LMO7: variants seen among roughly 807,000 people sequenced by gnomAD.
LMO7 encodes LIM domain 7.
Under a neutral mutation model 206.5 loss-of-function variants are expected in LMO7, and 120 were observed. The observed-to-expected ratio is 0.58, with a 90% CI of 0.50 to 0.68. The LOEUF (loss-of-function observed/expected upper bound fraction) is 0.68. Among genes scored for constraint, LMO7 ranks in the 30% least tolerant of loss-of-function variants. LMO7 has a pLI of 0.00. For synonymous variants in LMO7, 706 were observed against 681.5 expected, an observed-to-expected ratio of 1.04 and a Z score of -0.56; for missense variants, 1,959 against 1,957.9, an observed-to-expected ratio of 1.00 and a Z score of -0.01.
In LMO7 at chr13:75,796,017, T is replaced by C. The variant is rs576764667; in HGVS notation, c.348+586T>C. ...ATATTGTTAGAGTGGTATAAGAGGA[T>C]AGGTTAGATTTAGGAAGCTGTTTGT... is the stretch of plus-strand genomic sequence containing the variant. On this transcript the variant is annotated intron_variant, in intron 5 of 30. Transcript: ENST00000377534. Among the ~76,000 whole-genome samples the C allele has an allele frequency of 1.3e-4, 20 of 152,256 alleles. No individual in the cohort carries two copies. In the South Asian group the frequency reaches 4.1e-3, roughly 32 times the overall value.
chr13:75,638,843 C>G, intron 1 of LMO7, among the ~76,000 whole-genome samples: 1 of 151,868 alleles, frequency 6.6e-6, no homozygotes, highest in East Asian at 1.9e-4. Flanking sequence ...TTTAAGAACC[C>G]CTAATCTGAA....
intron 1 of LMO7, among the ~76,000 whole-genome samples, chr13:75,712,143 G>C (rs2043176121): frequency 6.6e-6 from 1 of 152,190 alleles, no homozygotes; most frequent in Non-Finnish European, 1.5e-5. Context: ...GCAGTAGTGA[G>C]GATAGCTGGG....
At chr13:75,841,528 A>G (rs2059556023) in intron 23 of LMO7, 100 bp from the exon 24 acceptor site, 5 of 859,494 alleles carry the variant, frequency 5.8e-6, no homozygotes, top group South Asian at 5.4e-5. Context: ...TCCTGGGCCA[A>G]CTATAGTTAG....
chr13:75,767,131 A>G (rs2049006747), intron 4 of LMO7, among the ~76,000 whole-genome samples: 1 of 152,116 alleles, frequency 6.6e-6, no homozygotes, highest in Non-Finnish European at 1.5e-5. Context: ...GCTTTGGACT[A>G]TGTGCCTTTC....
chr13:75,847,029 CAAAA>C (rs34127474), intron 26 of LMO7, among the ~76,000 whole-genome samples: 6 of 112,420 alleles, frequency 5.3e-5, no homozygotes, highest in Non-Finnish European at 7.3e-5. Context: ...GACTCTGTCT[CAAAA>C]AAAAAAAAAA....
rs760163444 is a variant in LMO7 at position 75,823,769 on chromosome 13, G to A, written c.2845G>A (p.Ala949Thr). 6.2e-7 allele frequency: 1 copy of A among 1,613,940 alleles called. No individual in the cohort carries two copies. Among genetic ancestry groups the A allele is most frequent in the South Asian group, 1.1e-5 (1 of 91,082 alleles). ...CTTCTCATCTCTTTCCCAAGACCAG[G>A]CTGCCACTTCTAAAGCCACATTGTC... ...SPFSSLSQDQ[A>T]ATSKATLSST... The change falls in exon 15 of 31, where the codon GCT (alanine) becomes ACT (threonine). Residue 949 changes from alanine to threonine, a missense_variant. Transcript: ENST00000377534.
At chr13:75,653,439 C>T (rs920971028) in intron 1 of LMO7, among the ~76,000 whole-genome samples, 12 of 152,318 alleles carry the variant, frequency 7.9e-5, no homozygotes, top group African/African-American at 2.9e-4. Context: ...AATTAGTTGT[C>T]TGTCTTTGCT....
chr13:75,686,304 A>G (rs1213064756), intron 1 of LMO7, among the ~76,000 whole-genome samples: 2 of 152,092 alleles, frequency 1.3e-5, no homozygotes, highest in Admixed American at 1.3e-4. Flanking sequence ...CAGACAAGAG[A>G]AGAGAGAGAA....
At chr13:75,835,688 G>A (rs1009214703) in intron 18 of LMO7, among the ~76,000 whole-genome samples, 7 of 152,030 alleles carry the variant, frequency 4.6e-5, no homozygotes, top group South Asian at 2.1e-4. Context: ...TTCTTTATGC[G>A]TTCCTTAGTC....
chr13:75,787,265 A>G (rs9544043), intron 4 of LMO7, among the ~76,000 whole-genome samples: 59,953 of 152,098 alleles, frequency 0.39, 12,395 homozygotes, highest in East Asian at 0.6. Flanking sequence ...AGCTTTACGT[A>G]ATAACAAGCA....
chr13:75,727,290 T>TTTTATTTA (rs200348051), intron 3 of LMO7, among the ~76,000 whole-genome samples, 192 bp downstream of exon 3: 1 of 151,842 alleles, frequency 6.6e-6, no homozygotes, highest in African/African-American at 2.4e-5. Context: ...GCCTGGAGGC[T>TTTTATTTA]TTTATTTATT....
rs758111777 is a variant in LMO7 at position 75,707,289 on chromosome 13, T to C, written c.70-5893T>C. Among the ~76,000 whole-genome samples the C allele has an allele frequency of 2.8e-4, 42 of 152,164 alleles. No homozygotes were observed. The Middle Eastern group carries it at 0.01, about 37-fold the overall frequency. The stretch of plus-strand genomic sequence containing the variant: ...CATGTTTACTTATGATACATTCTTA[T>C]AGAGTTATAGAAATTGGGATTATAC... On this transcript the variant is annotated intron_variant, in intron 1 of 30. Transcript: ENST00000377534.
At chr13:75,663,593 G>A (rs1427762877) in intron 1 of LMO7, among the ~76,000 whole-genome samples, 1 of 151,814 alleles carries the variant, frequency 6.6e-6, no homozygotes, top group Non-Finnish European at 1.5e-5. Flanking sequence ...ACTACACCCG[G>A]CTAGTTTTTT....
intron 28 of LMO7, among the ~76,000 whole-genome samples, chr13:75,853,910 G>A (rs1477628757): frequency 1.3e-5 from 2 of 152,252 alleles, no homozygotes; most frequent in Non-Finnish European, 2.9e-5. Flanking sequence ...AAGTCGGATA[G>A]ATCTTGCTTT....
At position 75,636,443 on chromosome 13, in the gene LMO7, A is replaced by G. The variant is rs906765607; in HGVS notation, c.-215A>G. ...CCTTGGGTCGCTTTCAGGAGTTTAG[A>G]GAAAGCCAGGTCTTCACGTTCGTGT... On this transcript the variant is annotated 5_prime_UTR_variant, in exon 1 of 31. Coordinates refer to ENST00000377534, the MANE Select transcript of LMO7 (RefSeq NM_001306080.2). 7.9e-6 allele frequency: 11 copies of G among 1,400,040 alleles called. No homozygotes were observed. Among genetic ancestry groups the G allele is most frequent in the African/African-American group, 3.0e-5 (2 of 67,644 alleles). 86.7% of individuals were successfully genotyped at this position (1,400,040 alleles called of 1,614,324 possible).
chr13:75,818,239 A>T (rs1404727983), intron 12 of LMO7, among the ~76,000 whole-genome samples: 1 of 152,204 alleles, frequency 6.6e-6, no homozygotes, highest in Non-Finnish European at 1.5e-5. Context: ...TCAGATAAAA[A>T]TTCATGCCAG....
chr13:75,811,680 A>G (rs2056417215), intron 11 of LMO7, among the ~76,000 whole-genome samples: 1 of 152,094 alleles, frequency 6.6e-6, no homozygotes, highest in South Asian at 2.1e-4. Context: ...TTGTCTGTTT[A>G]TTTTTAAGAC....
intron 3 of LMO7, among the ~76,000 whole-genome samples, chr13:75,755,299 C>T (rs1329065733): frequency 6.6e-6 from 1 of 152,066 alleles, no homozygotes; most frequent in Non-Finnish European, 1.5e-5. Context: ...GGTAGTTTTT[C>T]TTATGGCGTC....
At chr13:75,822,808 T>TTATATATATATAATAAAATATATATA (rs2057726075) in intron 14 of LMO7, among the ~76,000 whole-genome samples, 1 of 108,134 alleles carries the variant, frequency 9.2e-6, no homozygotes, top group Non-Finnish European at 1.9e-5. Context: ...TTTCTAAAAA[T>TTATATATATATAATAAAATATATATA]TATATATATA....
Sources: allele counts gnomAD v4.1 joint callset (sites outside exome capture counted in the v4.1 genomes callset), GRCh38; gene constraint gnomAD v4.1.1; transcripts MANE v1.5; gene names NCBI Gene and HGNC (gene_info 2026-07-23, HGNC 2026-07-21).